LCN15: variants seen among roughly 807,000 people sequenced by gnomAD.
The protein encoded by LCN15 is lipocalin 15, also known as lipocalin-15.
In LCN15, 26 loss-of-function variants were observed where a neutral mutation model predicts 23.1. The ratio of observed to expected loss-of-function variants is 1.13; its 90% CI spans 0.82 to 1.56. The LOEUF (loss-of-function observed/expected upper bound fraction) is 1.56, where lower values mean the gene tolerates loss of function less well. LCN15 is among the 40% of genes most tolerant of loss of function. The pLI, the probability that LCN15 is intolerant of heterozygous loss-of-function variation, is 0.00. For missense variants in LCN15, 241 were observed against 239.5 expected (o/e 1.01, Z -0.04); for synonymous variants, 107 against 98.3 (o/e 1.09, Z -0.52).
chr9:136,762,149 G>C, intron 5 of LCN15, 39 bp downstream of exon 5: 1 of 1,274,400 alleles, frequency 7.8e-7, no homozygotes, highest in Non-Finnish European at 1.1e-6. Flanking sequence ...GGGAGGGAGA[G>C]GCTGGGGGGC....
chr9:136,761,757 G>C lies in LCN15; in HGVS notation c.*32+30C>G, dbSNP rs1393188978. ...CGATAGGGAGGGGAGAGGCAACCAGGGCATCCCCTGCAGGGCCTGGAGAAC... is the reference window on the plus strand; with the variant it reads ...CGATAGGGAGGGGAGAGGCAACCAGCGCATCCCCTGCAGGGCCTGGAGAAC... On this transcript the variant is annotated intron_variant, in intron 6 of 6. Coordinates refer to ENST00000316144, the MANE Select transcript of LCN15 (RefSeq NM_203347.2). The surrounding 1 kb of genome is among the most constrained non-coding windows in gnomAD (Gnocchi z 4.2). 1 of 1,140,614 alleles carries C rather than the reference G, an allele frequency of 8.8e-7. No homozygotes were observed. The highest frequency in any genetic ancestry group is 1.1e-6 in the Non-Finnish European group (1 of 897,274). 70.7% of individuals were successfully genotyped at this position (1,140,614 alleles called of 1,614,324 possible).
intron 4 of LCN15, among the ~76,000 whole-genome samples, chr9:136,763,097 A>T (rs1176158780): frequency 4.0e-5 from 6 of 150,470 alleles, no homozygotes; most frequent in Middle Eastern, 3.2e-3. Context: ...CTCCCACCCC[A>T]CCCGGTCCTG....
In LCN15 at chr9:136,763,988, C is replaced by G. The variant is rs758939940; in HGVS notation, c.118G>C (p.Val40Leu). 6.2e-7 allele frequency: 1 copy of G among 1,613,148 alleles called. No individual in the cohort carries two copies. Among genetic ancestry groups the G allele is most frequent in the African/African-American group, 1.3e-5 (1 of 74,896 alleles). ...ACCCTGCAGTCAGATGCCATGGAGA[C>G]CACGTACCAGAGGCCTGAGAACTGC... ...AEKFSGLWYVVSMASDCRVFL... is the reference protein window; with the variant it reads ...AEKFSGLWYVLSMASDCRVFL... The change falls in exon 2 of 7, where the codon GTC becomes CTC. Residue 40 changes from valine (V) to leucine (L), a missense_variant. Val to Leu is a conservative substitution (Grantham distance 32). Coordinates refer to ENST00000316144, the MANE Select transcript of LCN15 (RefSeq NM_203347.2).
At position 136,763,899 on chromosome 9, in the gene LCN15, G is replaced by C. The variant is rs764776132; in HGVS notation, c.207C>G (p.Gly69=). ...STRAIRPTEE[G]GLHVHMEFPG... is the part of the protein sequence containing the mutation. ...GGAACTCCATGTGGACGTGGAGGCC[G>C]CCCTCCTCTGTGGGCCTGATGGCCC... Residue 69 remains glycine (G), a synonymous_variant, in exon 2 of 7, where the codon GGC becomes GGG. Coordinates refer to ENST00000316144, the MANE Select transcript of LCN15 (RefSeq NM_203347.2). 5 of 1,613,504 alleles carry C rather than the reference G, an allele frequency of 3.1e-6. No homozygotes were observed. Among genetic ancestry groups the C allele is most frequent in the Non-Finnish European group, 4.2e-6 (5 of 1,179,992 alleles).
intron 6 of LCN15, among the ~76,000 whole-genome samples, chr9:136,760,508 C>T (rs1220791523): frequency 6.6e-6 from 1 of 152,216 alleles, no homozygotes; most frequent in Non-Finnish European, 1.5e-5. Context: ...CCCACCTCCT[C>T]CCGCCATGCC....
rs983820060 is a variant in LCN15 at position 136,761,449 on chromosome 9, C to T, written c.*32+338G>A. On this transcript the variant is annotated intron_variant, in intron 6 of 6. Coordinates refer to ENST00000316144, the MANE Select transcript of LCN15 (RefSeq NM_203347.2). This position sits in a 1 kb window ranked among gnomAD's most constrained non-coding sequence, Gnocchi z 4.2. ...CTAAGTTTTGTATTTTTAGTAGAGA[C>T]GGGGTTTCTCCATGTTGGTCAGGCT... Among the ~76,000 whole-genome samples the T allele has an allele frequency of 6.6e-6, 1 of 152,126 alleles. No individual in the cohort carries two copies. Among genetic ancestry groups the T allele is most frequent in the African/African-American group, 2.4e-5 (1 of 41,416 alleles).
In LCN15 at chr9:136,763,764, C is replaced by T; in HGVS notation, c.256G>A (p.Val86Met). 2 of 1,613,562 alleles carry T rather than the reference C, an allele frequency of 1.2e-6. No homozygotes were observed. Among genetic ancestry groups the T allele is most frequent in the Non-Finnish European group, 8.5e-7 (1 of 1,179,974 alleles). The change falls in exon 3 of 7, where the codon GTG becomes ATG. Residue 86 changes from valine to methionine, a missense_variant. Coordinates refer to ENST00000316144, the MANE Select transcript of LCN15 (RefSeq NM_203347.2). ...EFPGADGCNQVDAEYLKVGSE... is the reference protein window; with the variant it reads ...EFPGADGCNQMDAEYLKVGSE... ...CCCACCTTCAGGTACTCGGCATCCA[C>T]CTGGTTACAGCCGTCCGCCCTGGGG...
intron 3 of LCN15, 75 bp from the exon 4 acceptor site, chr9:136,763,542 C>G: frequency 7.9e-7 from 1 of 1,267,806 alleles, no homozygotes; most frequent in Non-Finnish European, 1.1e-6. Flanking sequence ...CATGCCTGCC[C>G]CTGCTGCTGG....
At chr9:136,763,319 G>T in intron 4 of LCN15, 38 bp downstream of exon 4, 1 of 1,205,596 alleles carries the variant, frequency 8.3e-7, no homozygotes, top group Non-Finnish European at 1.1e-6. Flanking sequence ...TGGGAAGTTG[G>T]GGAGGGGCCA....
chr9:136,763,430 G>C lies in LCN15; in HGVS notation c.345C>G (p.Asp115Glu). ...GYLDVRIVDT[D>E]YSSFAVLYIY... ...TGTAAAGGACGGCGAAGGAGCTGTA[G>C]TCTGTGTCCACGATGCGCACGTCCA... Residue 115 changes from aspartate to glutamate, a missense_variant, in exon 4 of 7, where the codon GAC becomes GAG. Coordinates refer to ENST00000316144, the MANE Select transcript of LCN15 (RefSeq NM_203347.2). 1 of 1,610,012 alleles carries C rather than the reference G, an allele frequency of 6.2e-7. No individual in the cohort carries two copies. The highest frequency in any genetic ancestry group is 1.3e-5 in the African/African-American group (1 of 74,988).
chr9:136,764,034 G>A, intron 1 of LCN15, 25 bp from the exon 2 acceptor site: 4 of 1,607,368 alleles, frequency 2.5e-6, no homozygotes, highest in Non-Finnish European at 3.4e-6. Context: ...GTCACCCGCA[G>A]GCCAGGACAG....
At chr9:136,762,112 G>C in intron 5 of LCN15, 76 bp downstream of exon 5, 1 of 972,604 alleles carries the variant, frequency 1.0e-6, no homozygotes, top group Non-Finnish European at 1.5e-6. Context: ...TGTGCTGTGA[G>C]GGGAAGGAAG....
rs80345936 is a variant in LCN15, at chr9:136,761,581, C to T, written c.*32+206G>A. Among the ~76,000 whole-genome samples, 35 of 152,288 alleles carry T rather than the reference C, an allele frequency of 2.3e-4. No homozygotes were observed. The highest frequency in any genetic ancestry group is 4.3e-4 in the Non-Finnish European group (29 of 68,030). ...CGGCCAAACTTCTGCTGTTTTAAGT[C>T]GCCCCATTTGTGGTACTCTGTGATG... On this transcript the variant is annotated intron_variant, in intron 6 of 6. Transcript: ENST00000316144. The surrounding 1 kb of genome is among the most constrained non-coding windows in gnomAD (Gnocchi z 4.2).
At chr9:136,763,615 T>G in intron 3 of LCN15, 98 bp downstream of exon 3, 1 of 1,409,658 alleles carries the variant, frequency 7.1e-7, no homozygotes, top group South Asian at 1.3e-5. Flanking sequence ...GGCTGGAGAC[T>G]GGGATGGACA....
intron 1 of LCN15, 88 bp from the exon 2 acceptor site, chr9:136,764,097 C>T: frequency 2.0e-6 from 3 of 1,526,818 alleles, no homozygotes; most frequent in Non-Finnish European, 2.7e-6. Context: ...TCAGAAGTCA[C>T]ACAGCAAGGG....
chr9:136,762,158 G>C, intron 5 of LCN15, 30 bp downstream of exon 5: 3 of 1,318,254 alleles, frequency 2.3e-6, no homozygotes, highest in Non-Finnish European at 3.2e-6. Flanking sequence ...AGGCTGGGGG[G>C]CATGGGGTGG....
At chr9:136,762,107 T>C (rs1847324483) in intron 5 of LCN15, 81 bp downstream of exon 5, 1 of 933,418 alleles carries the variant, frequency 1.1e-6, no homozygotes, top group Non-Finnish European at 1.6e-6. Flanking sequence ...CTGCCTGTGC[T>C]GTGAGGGGAA....
intron 1 of LCN15, 65 bp from the exon 2 acceptor site, chr9:136,764,074 C>A: frequency 1.3e-6 from 2 of 1,582,364 alleles, no homozygotes; most frequent in Non-Finnish European, 1.7e-6. Context: ...TGCCCAGGGA[C>A]CCAGGGGACA....
Position 136,764,454 on chromosome 9 carries a change from AG to A in LCN15, c.34del (p.Leu12CysfsTer80), listed in dbSNP as rs764118297. 1.4e-4 allele frequency: 229 copies of A among 1,613,288 alleles called. 1 individual carries two copies. The East Asian group carries it at 5.0e-3, about 35-fold the overall frequency. On this transcript the variant is annotated frameshift_variant, in exon 1 of 7. Transcript: ENST00000316144. LOFTEE classifies it high-confidence loss of function. ...MSFLLGAILTLLWAPTAQAEV... is the reference protein window; with the variant it reads ...MSFLLGAILTXLWAPTAQAEV... ...AGCCTGAGCCGTGGGCGCCCAGAGC[AG>A]GGTCAGGATTGCGCCGAGCAGGAAT...
Sources: gnomAD v4.1 joint callset for allele counts (sites outside exome capture counted in the v4.1 genomes callset) on GRCh38, gnomAD v4.1.1 for gene constraint, Gnocchi (gnomAD v3.1) non-coding constraint, MANE v1.5 for transcripts, NCBI Gene and HGNC (gene_info 2026-07-23, HGNC 2026-07-21) for gene names.